Variants in WRN observed in about 807,000 individuals in gnomAD.
WRN encodes the protein bifunctional 3'-5' exonuclease/ATP-dependent helicase WRN.
A neutral mutation model predicts 180.7 loss-of-function variants in WRN; 149 were observed. That is an observed-to-expected ratio of 0.82 (90% CI 0.72 to 0.94). The LOEUF (loss-of-function observed/expected upper bound fraction) is 0.94, where lower values mean the gene tolerates loss of function less well. Ranked by LOEUF, WRN falls within the 40% of genes least tolerant of loss-of-function variation. The pLI, the probability that WRN is intolerant of heterozygous loss-of-function variation, is 0.00. For synonymous variants in WRN, 548 were observed against 568.9 expected (o/e 0.96, Z 0.52); for missense variants, 1,661 against 1,700.1 (o/e 0.98, Z 0.40).
chr8:31,116,281 A>C, intron 19 of WRN, 73 bp from the exon 20 acceptor site: 1 of 1,487,678 alleles, frequency 6.7e-7, no homozygotes, highest in East Asian at 2.3e-5. Flanking sequence ...AGAATTAAAT[A>C]AGATAAAACC....
At chr8:31,126,010 A>G (rs1338620725) in intron 23 of WRN, among the ~76,000 whole-genome samples, 1 of 150,784 alleles carries the variant, frequency 6.6e-6, no homozygotes, top group Non-Finnish European at 1.5e-5. Context: ...CTACTTAACA[A>G]AAAGACTGAC....
At position 31,096,805 on chromosome 8, in the gene WRN, T is replaced by C. The variant is rs1814005115; in HGVS notation, c.1936T>C (p.Cys646Arg). 1 of 1,613,228 alleles carries C rather than the reference T, an allele frequency of 6.2e-7. No homozygotes were observed. The highest frequency in any genetic ancestry group is 1.3e-5 in the African/African-American group (1 of 74,992). The change falls in exon 17 of 35, where the codon TGT (cysteine) becomes CGT (arginine). Residue 646 changes from cysteine to arginine, a missense_variant. By Grantham distance (180) the Cys-to-Arg change is radical. This residue lies in a region of WRN where 1,141 missense variants were observed against 1,149.4 expected (regional missense o/e 0.99). Coordinates refer to ENST00000298139, the MANE Select transcript of WRN (RefSeq NM_000553.6). Reference protein sequence around the residue: ...YRIVYVTPEYCSGNMGLLQQL... With the variant: ...YRIVYVTPEYRSGNMGLLQQL... ...GATTGTATACGTAACTCCAGAATAC[T>C]GTTCAGGTAACATGGGCCTGCTCCA...
intron 8 of WRN, among the ~76,000 whole-genome samples, chr8:31,076,609 ATATT>A (rs1266514851): frequency 6.6e-6 from 1 of 152,160 alleles, no homozygotes; most frequent in Non-Finnish European, 1.5e-5. Context: ...ATTAAGGAAA[ATATT>A]TAAGATTCAA....
In WRN at chr8:31,175,165, G is replaced by A. The variant is rs1345127671; in HGVS notation, c.*2063G>A. 7.2e-5 allele frequency among the ~76,000 whole-genome samples: 11 copies of A among 152,200 alleles called. 1 individual carries two copies. The highest frequency in any genetic ancestry group is 2.4e-4 in the African/African-American group (10 of 41,532). Reference sequence around the variant, plus strand: ...AGAAATCATGACTGAGGCCGGGCGCGGTGGCTCACGCCTGTAATCCCAGCA... The same window carrying A: ...AGAAATCATGACTGAGGCCGGGCGCAGTGGCTCACGCCTGTAATCCCAGCA... On this transcript the variant is annotated 3_prime_UTR_variant, in exon 35 of 35. Coordinates refer to ENST00000298139, the MANE Select transcript of WRN (RefSeq NM_000553.6).
At chr8:31,113,637 T>C (rs1423187697) in intron 19 of WRN, among the ~76,000 whole-genome samples, 1 of 152,192 alleles carries the variant, frequency 6.6e-6, no homozygotes, top group East Asian at 1.9e-4. Context: ...TATGGCACTT[T>C]CCCTTATAAT....
intron 10 of WRN, 115 bp downstream of exon 10, chr8:31,083,894 A>G (rs1179258113): frequency 6.4e-6 from 7 of 1,094,036 alleles, no homozygotes; most frequent in Middle Eastern, 2.6e-4. Flanking sequence ...GCTACTAATT[A>G]TGTAACATTA....
intron 18 of WRN, among the ~76,000 whole-genome samples, chr8:31,108,607 G>A (rs1282232722): frequency 6.6e-6 from 1 of 151,778 alleles, no homozygotes; most frequent in Non-Finnish European, 1.5e-5. Flanking sequence ...CTGGTTATAA[G>A]CTTAAAAAGT....
chr8:31,040,311 C>G (rs1177767875), intron 1 of WRN, among the ~76,000 whole-genome samples: 2 of 152,110 alleles, frequency 1.3e-5, no homozygotes, highest in East Asian at 1.9e-4. Flanking sequence ...GAGGAATGGT[C>G]TAGGCTGTTT....
intron 24 of WRN, among the ~76,000 whole-genome samples, chr8:31,138,739 T>A (rs1802493266): frequency 1.3e-5 from 2 of 152,206 alleles, no homozygotes; most frequent in Non-Finnish European, 2.9e-5. Context: ...ATTCCTTAGC[T>A]ATTAAAAAAT....
chr8:31,050,096 A>G (rs143736138), intron 1 of WRN, among the ~76,000 whole-genome samples: 2 of 152,292 alleles, frequency 1.3e-5, no homozygotes, highest in East Asian at 3.9e-4. Flanking sequence ...TAACTTAAAG[A>G]TAATTCTTGT....
At chr8:31,034,880 C>T (rs1811386905) in intron 1 of WRN, among the ~76,000 whole-genome samples, 1 of 152,140 alleles carries the variant, frequency 6.6e-6, no homozygotes, top group African/African-American at 2.4e-5. Flanking sequence ...TCGTGTCCAG[C>T]ATATGGCATT....
chr8:31,174,880 CTT>C lies in WRN; in HGVS notation c.*1780_*1781del, dbSNP rs565687139. ...TCTTTTTCTTTCTCTTTCTTTCTTT[CTT>C]TCTCTCTCTCTCTCTCTTTCTTTCT... On this transcript the variant is annotated 3_prime_UTR_variant, in exon 35 of 35. Coordinates refer to ENST00000298139, the MANE Select transcript of WRN (RefSeq NM_000553.6). Among the ~76,000 whole-genome samples, 56 of 127,072 alleles carry C rather than the reference CTT, an allele frequency of 4.4e-4. No individual in the cohort carries two copies. In the South Asian group the frequency reaches 7.4e-3, roughly 17 times the overall value. 83.4% of individuals were successfully genotyped at this position (127,072 alleles called of 152,430 possible).
Position 31,157,423 on chromosome 8 carries a change from C to G in WRN, c.3875C>G (p.Ser1292Cys), listed in dbSNP as rs142614369. 3.1e-6 allele frequency: 5 copies of G among 1,614,128 alleles called. No individual in the cohort carries two copies. The South Asian group carries it at 5.5e-5, about 18-fold the overall frequency. ...LPLMTIGMHL[S>C]QAVKAGCPLD... Reference sequence around the variant, plus strand: ...CTCATGACAATTGGCATGCACTTATCCCAAGCGGTGAAAGCTGGCTGCCCC... The same window carrying G: ...CTCATGACAATTGGCATGCACTTATGCCAAGCGGTGAAAGCTGGCTGCCCC... Residue 1292 changes from serine (S) to cysteine (C), a missense_variant, in exon 33 of 35, where the codon TCC becomes TGC. Around this residue, in one of 3 missense-constraint regions of WRN, gnomAD observed 1,141 missense variants for 1,149.4 expected, o/e 0.99. Coordinates refer to ENST00000298139, the MANE Select transcript of WRN (RefSeq NM_000553.6).
chr8:31,092,439 T>TTA (rs1813783410), intron 16 of WRN, among the ~76,000 whole-genome samples: 1 of 146,732 alleles, frequency 6.8e-6, no homozygotes, highest in Non-Finnish European at 1.5e-5. Flanking sequence ...CACACCCATT[T>TTA]TGTGTGTGTG....
chr8:31,093,000 A>G (rs1813815742), intron 16 of WRN, among the ~76,000 whole-genome samples: 1 of 152,148 alleles, frequency 6.6e-6, no homozygotes. Context: ...GCTAGAGTAC[A>G]GTGGCGCAAT....
intron 28 of WRN, among the ~76,000 whole-genome samples, chr8:31,145,911 G>A (rs1353663563): frequency 6.6e-6 from 1 of 151,888 alleles, no homozygotes; most frequent in African/African-American, 2.4e-5. Context: ...TTAAATATAT[G>A]GGCTTAGTGT....
intron 1 of WRN, among the ~76,000 whole-genome samples, chr8:31,045,545 G>T (rs1811829213): frequency 6.6e-6 from 1 of 151,948 alleles, no homozygotes; most frequent in Admixed American, 6.5e-5. Context: ...TGGGATTACA[G>T]CACTCGCTGC....
intron 16 of WRN, among the ~76,000 whole-genome samples, chr8:31,093,458 G>T (rs1490494795): frequency 6.6e-6 from 1 of 152,076 alleles, no homozygotes; most frequent in Non-Finnish European, 1.5e-5. Context: ...GTATTTCATT[G>T]AATATAGCAC....
intron 29 of WRN, 83 bp downstream of exon 29, chr8:31,147,211 C>A: frequency 1.3e-6 from 2 of 1,524,998 alleles, no homozygotes; most frequent in East Asian, 4.5e-5. Flanking sequence ...ATTTTGCCAG[C>A]ATTTTAAAAA....
Sources: allele counts gnomAD v4.1 joint callset (sites outside exome capture counted in the v4.1 genomes callset), GRCh38; gene constraint gnomAD v4.1.1; regional missense constraint gnomAD v4.1.1; transcripts MANE v1.5; gene names NCBI Gene and HGNC (gene_info 2026-07-23, HGNC 2026-07-21).